Variants in SEC61B observed in about 807,000 individuals in gnomAD.
The protein encoded by SEC61B is protein transport protein Sec61 subunit beta.
Under a neutral mutation model 12.6 loss-of-function variants are expected in SEC61B, and 7 were observed. The ratio of observed to expected loss-of-function variants is 0.55; its 90% CI spans 0.32 to 1.04. The LOEUF (loss-of-function observed/expected upper bound fraction) is 1.04, where lower values mean the gene tolerates loss of function less well. Among genes scored for constraint, SEC61B ranks in the 50% least tolerant of loss-of-function variants. The pLI, the probability that SEC61B is intolerant of heterozygous loss-of-function variation, is 0.05. For missense variants in SEC61B, 107 were observed against 130.1 expected (o/e 0.82, Z 0.86); for synonymous variants, 54 against 50.1 (o/e 1.08, Z -0.33).
At chr9:99,222,845 TAAAAA>T (rs1217612623) in intron 2 of SEC61B, 12 of 484,920 alleles carry the variant, frequency 2.5e-5, no homozygotes, top group Non-Finnish European at 4.0e-5. Context: ...GCACTACTCT[TAAAAA>T]AGGAAAGTTA....
chr9:99,228,485 A>C (rs76292780), intron 3 of SEC61B, among the ~76,000 whole-genome samples: 9,356 of 152,238 alleles, frequency 0.061, 332 homozygotes, highest in Non-Finnish European at 0.078. Context: ...GGTGGTGAGT[A>C]GACTCAGGAG....
chr9:99,222,386 A>G lies in SEC61B; in HGVS notation c.3+20A>G. ...AATATGGTATGGCGGCCCTTCCATGATCCCCGCCTCTCCCAGAAGCCCTGA... is the reference window on the plus strand; with the variant it reads ...AATATGGTATGGCGGCCCTTCCATGGTCCCCGCCTCTCCCAGAAGCCCTGA... On this transcript the variant is annotated intron_variant, in intron 1 of 3. Coordinates refer to ENST00000223641, the MANE Select transcript of SEC61B (RefSeq NM_006808.3). 1 of 1,613,842 alleles carries G rather than the reference A, an allele frequency of 6.2e-7. No individual in the cohort carries two copies. The highest frequency in any genetic ancestry group is 8.5e-7 in the Non-Finnish European group (1 of 1,179,934).
intron 3 of SEC61B, among the ~76,000 whole-genome samples, 166 bp from the exon 4 acceptor site, chr9:99,230,171 C>A (rs1222364486): frequency 6.6e-6 from 1 of 152,166 alleles, no homozygotes; most frequent in African/African-American, 2.4e-5. Context: ...AAAGTATCCA[C>A]AATAATAATT....
intron 2 of SEC61B, chr9:99,222,892 A>T (rs1436004182): frequency 2.4e-6 from 1 of 417,446 alleles, no homozygotes; most frequent in Non-Finnish European, 4.3e-6. Flanking sequence ...GATAACTTTG[A>T]GAAAACCGAT....
At chr9:99,229,014 A>C (rs1192749050) in intron 3 of SEC61B, among the ~76,000 whole-genome samples, 1 of 152,224 alleles carries the variant, frequency 6.6e-6, no homozygotes, top group African/African-American at 2.4e-5. Context: ...TTTAGTTTAC[A>C]AAGTCACAAA....
chr9:99,229,339 T>C (rs755025993), intron 3 of SEC61B, among the ~76,000 whole-genome samples: 8 of 152,170 alleles, frequency 5.3e-5, no homozygotes, highest in Non-Finnish European at 1.0e-4. Context: ...TTTTTTCTCC[T>C]TTAGCGACAG....
intron 2 of SEC61B, among the ~76,000 whole-genome samples, chr9:99,227,570 G>C (rs894537271): frequency 2.6e-5 from 4 of 152,208 alleles, no homozygotes; most frequent in Non-Finnish European, 4.4e-5. Flanking sequence ...ATGCAGATGG[G>C]CTCCAGGGTC....
At chr9:99,226,438 T>C (rs1324297022) in intron 2 of SEC61B, among the ~76,000 whole-genome samples, 2 of 152,224 alleles carry the variant, frequency 1.3e-5, no homozygotes, top group Non-Finnish European at 2.9e-5. Flanking sequence ...CTTTTCCGTA[T>C]ATGCCCTTCC....
At chr9:99,227,031 G>A (rs181787685) in intron 2 of SEC61B, among the ~76,000 whole-genome samples, 1 of 151,986 alleles carries the variant, frequency 6.6e-6, no homozygotes, top group Non-Finnish European at 1.5e-5. Context: ...ACTTTGGGAG[G>A]CCAAAGCAGG....
At chr9:99,226,181 A>G (rs886322504) in intron 2 of SEC61B, among the ~76,000 whole-genome samples, 5 of 152,220 alleles carry the variant, frequency 3.3e-5, no homozygotes, top group African/African-American at 7.2e-5. Flanking sequence ...TTGTAGTACA[A>G]TAGACCCAAA....
At chr9:99,222,436 T>C in intron 1 of SEC61B, 70 bp downstream of exon 1, 2 of 1,611,866 alleles carry the variant, frequency 1.2e-6, no homozygotes, top group African/African-American at 1.3e-5. Flanking sequence ...CGCCGTGCTT[T>C]TCCTCTGTAG....
chr9:99,227,822 A>C, intron 2 of SEC61B, 77 bp from the exon 3 acceptor site: 1 of 1,029,624 alleles, frequency 9.7e-7, no homozygotes, highest in Non-Finnish European at 1.5e-6. Flanking sequence ...TAACTGTGTA[A>C]TAATGGTAGC....
intron 3 of SEC61B, among the ~76,000 whole-genome samples, chr9:99,228,914 C>T (rs1204444574): frequency 6.6e-6 from 1 of 152,152 alleles, no homozygotes; most frequent in East Asian, 1.9e-4. Context: ...AAGTCCTATG[C>T]TCTTTGCATA....
intron 3 of SEC61B, 22 bp downstream of exon 3, chr9:99,228,022 T>C: frequency 1.3e-6 from 2 of 1,580,240 alleles, no homozygotes; most frequent in Non-Finnish European, 1.7e-6. Context: ...GAACAGTCCT[T>C]GTGTTTCTGT....
At chr9:99,227,153 C>G (rs1207010747) in intron 2 of SEC61B, among the ~76,000 whole-genome samples, 1 of 150,878 alleles carries the variant, frequency 6.6e-6, no homozygotes, top group Non-Finnish European at 1.5e-5. Flanking sequence ...GTAATCCCAG[C>G]TAAGCAGGAG....
rs201075362 is a variant in SEC61B, at chr9:99,227,866, A to G, written c.102-33A>G. 1.1e-5 allele frequency: 17 copies of G among 1,484,038 alleles called. No individual in the cohort carries two copies. In the Admixed American group the frequency reaches 2.9e-4, roughly 25 times the overall value. 91.9% of individuals were successfully genotyped at this position (1,484,038 alleles called of 1,614,324 possible). A position where few individuals can be genotyped will look rare whatever the true frequency, so the allele number is the denominator to read the frequency against. On this transcript the variant is annotated intron_variant, in intron 2 of 3. Transcript: ENST00000223641. ...TAATGCTATTCTAATAATTTCCAGAAAAGGCCATTTGTAACATTTTCCTCT... is the reference window on the plus strand; with the variant it reads ...TAATGCTATTCTAATAATTTCCAGAGAAGGCCATTTGTAACATTTTCCTCT...
At chr9:99,222,759 A>G (rs1828845513) in intron 2 of SEC61B, 116 bp downstream of exon 2, 3 of 742,948 alleles carry the variant, frequency 4.0e-6, no homozygotes, top group African/African-American at 3.6e-5. Flanking sequence ...ATGAGCTTCT[A>G]GTGACGTGGC....
intron 2 of SEC61B, chr9:99,223,146 A>C (rs534521956): frequency 3.9e-5 from 6 of 152,642 alleles, no homozygotes; most frequent in African/African-American, 1.2e-4. Flanking sequence ...CTCTAGTCAT[A>C]TGCCAGACTT....
At chr9:99,226,533 G>A (rs966700335) in intron 2 of SEC61B, among the ~76,000 whole-genome samples, 2 of 152,196 alleles carry the variant, frequency 1.3e-5, no homozygotes, top group South Asian at 4.1e-4. Context: ...ATGCTGAATG[G>A]TGCAGGCAGC....
Sources: allele counts gnomAD v4.1 joint callset (sites outside exome capture counted in the v4.1 genomes callset), GRCh38; gene constraint gnomAD v4.1.1; transcripts MANE v1.5; gene names NCBI Gene and HGNC (gene_info 2026-07-23, HGNC 2026-07-21).